PDZRN4: variants seen among roughly 807,000 people sequenced by gnomAD.
The protein encoded by PDZRN4 is PDZ domain containing ring finger 4.
A neutral mutation model predicts 99.0 loss-of-function variants in PDZRN4; 70 were observed. The observed-to-expected ratio is 0.71, with a 90% CI of 0.58 to 0.86. PDZRN4 has a LOEUF of 0.86. Ranked by LOEUF, PDZRN4 falls within the 40% of genes least tolerant of loss-of-function variation. The pLI is 0.00. For synonymous variants in PDZRN4, 551 were observed against 501.6 expected, an observed-to-expected ratio of 1.10 and a Z score of -1.32; for missense variants, 1,474 against 1,331.2, an observed-to-expected ratio of 1.11 and a Z score of -1.67.
chr12:41,188,372 G>A lies in PDZRN4; in HGVS notation c.-84G>A. 2 of 1,302,294 alleles carry A rather than the reference G, an allele frequency of 1.5e-6. No individual in the cohort carries two copies. The highest frequency in any genetic ancestry group is 2.0e-6 in the Non-Finnish European group (2 of 981,170). The allele number at this position is 1,302,294 out of a possible 1,614,324, so 80.7% of individuals were successfully genotyped here. ...CCACTGCCGCCGCCGCGAGACGGCT[G>A]CCCCGGGGGTGGCCCGGGGAAGGCA... is the stretch of plus-strand genomic sequence containing the variant. On this transcript the variant is annotated 5_prime_UTR_variant, in exon 1 of 10. Coordinates refer to ENST00000402685, the MANE Select transcript of PDZRN4 (RefSeq NM_001164595.2).
chr12:41,197,918 G>GTTTTTTTTTTTGTTTT (rs1491129322), intron 3 of PDZRN4, among the ~76,000 whole-genome samples: 1 of 114,576 alleles, frequency 8.7e-6, no homozygotes. Context: ...TGTTTTTTCT[G>GTTTTTTTTTTTGTTTT]GGTTTTTTTT....
At position 41,256,165 on chromosome 12, in the gene PDZRN4, G is replaced by C. The variant is rs191124674; in HGVS notation, c.843+61977G>C. On this transcript the variant is annotated intron_variant, in intron 3 of 9. Transcript: ENST00000402685. ...TCAAAATAAAACTATGTATTTCCTA[G>C]TCATATAAAAGTGATTTTATTGGTA... is the stretch of plus-strand genomic sequence containing the variant. Among the ~76,000 whole-genome samples, 5 of 152,208 alleles carry C rather than the reference G, an allele frequency of 3.3e-5. No homozygotes were observed. The East Asian group carries it at 9.7e-4, about 29-fold the overall frequency.
rs146409787 is a variant in PDZRN4 at position 41,191,744 on chromosome 12, T to TTTTATTTA, written c.735+236_735+243dup. Among the ~76,000 whole-genome samples the TTTTATTTA allele has an allele frequency of 1.1e-3, 139 of 121,374 alleles. 1 individual carries two copies. Among genetic ancestry groups the TTTTATTTA allele is most frequent in the South Asian group, 2.4e-3 (8 of 3,296 alleles). The allele number at this position is 121,374 out of a possible 152,430, so 79.6% of individuals were successfully genotyped here. On this transcript the variant is annotated intron_variant, in intron 2 of 9. Transcript: ENST00000402685. Reference sequence around the variant, plus strand: ...GCAAATATTCCAGTACATACCCAGATTTTATTTATTTATTTATTTATTTAT... The same window carrying TTTTATTTA: ...GCAAATATTCCAGTACATACCCAGATTTTATTTATTTATTTATTTATTTATTTATTTAT...
intron 3 of PDZRN4, among the ~76,000 whole-genome samples, chr12:41,411,191 G>A (rs771849759): frequency 5.3e-5 from 8 of 151,790 alleles, no homozygotes; most frequent in South Asian, 2.1e-4. Context: ...ATGAGCCACC[G>A]TGCCCAGCCT....
chr12:41,508,428 A>G (rs1938245127), intron 4 of PDZRN4, among the ~76,000 whole-genome samples: 1 of 152,106 alleles, frequency 6.6e-6, no homozygotes, highest in African/African-American at 2.4e-5. Flanking sequence ...TGCTTTCCCC[A>G]ATTAATAGGG....
intron 3 of PDZRN4, among the ~76,000 whole-genome samples, chr12:41,299,423 A>G (rs11610155): frequency 0.017 from 2,583 of 152,184 alleles, 38 homozygotes; most frequent in Non-Finnish European, 0.024. Context: ...TTGGACGCAC[A>G]ATTTGTGTGT....
At chr12:41,273,949 C>T (rs576036020) in intron 3 of PDZRN4, among the ~76,000 whole-genome samples, 1 of 152,198 alleles carries the variant, frequency 6.6e-6, no homozygotes, top group East Asian at 1.9e-4. Flanking sequence ...TCCTTGAATG[C>T]AAGCTTGGTC....
chr12:41,487,675 C>T (rs1464180626), intron 3 of PDZRN4, among the ~76,000 whole-genome samples: 1 of 152,178 alleles, frequency 6.6e-6, no homozygotes, highest in East Asian at 1.9e-4. Flanking sequence ...CTCTTGACAT[C>T]TAGTTGAAGT....
intron 3 of PDZRN4, among the ~76,000 whole-genome samples, chr12:41,334,862 G>A (rs1951763002): frequency 6.6e-6 from 1 of 151,962 alleles, no homozygotes. Flanking sequence ...ATTGTAATAA[G>A]ATTTTTTTTT....
chr12:41,328,362 T>TAATAAAA (rs1000691537), intron 3 of PDZRN4, among the ~76,000 whole-genome samples: 15 of 151,864 alleles, frequency 9.9e-5, no homozygotes, highest in African/African-American at 2.7e-4. Flanking sequence ...ACTCTACAAA[T>TAATAAAA]AATAAAAAAT....
intron 3 of PDZRN4, among the ~76,000 whole-genome samples, chr12:41,467,641 T>C (rs1465238834): frequency 1.3e-5 from 2 of 152,180 alleles, no homozygotes; most frequent in South Asian, 2.1e-4. Context: ...GTTTAACACA[T>C]CCACTCTTAC....
chr12:41,518,370 T>A (rs1176626768), intron 5 of PDZRN4, among the ~76,000 whole-genome samples: 1 of 152,092 alleles, frequency 6.6e-6, no homozygotes, highest in Non-Finnish European at 1.5e-5. Flanking sequence ...TTTGTGTGTG[T>A]TTTCCTCTTC....
At chr12:41,271,673 C>T (rs1055387468) in intron 3 of PDZRN4, among the ~76,000 whole-genome samples, 2 of 152,046 alleles carry the variant, frequency 1.3e-5, no homozygotes, top group South Asian at 2.1e-4. Context: ...AGCCTGGACC[C>T]GGATTCTGCA....
intron 3 of PDZRN4, among the ~76,000 whole-genome samples, chr12:41,270,092 AC>A (rs1951303924): frequency 6.6e-6 from 1 of 152,172 alleles, no homozygotes; most frequent in South Asian, 2.1e-4. Flanking sequence ...CTTTAATTTC[AC>A]GTTTGCCCAT....
At chr12:41,520,342 A>G (rs567593920) in intron 5 of PDZRN4, among the ~76,000 whole-genome samples, 1 of 152,094 alleles carries the variant, frequency 6.6e-6, no homozygotes. Flanking sequence ...CTTCTTCAAT[A>G]TGGCTGACCT....
At chr12:41,469,234 G>T (rs538218411) in intron 3 of PDZRN4, among the ~76,000 whole-genome samples, 1 of 152,186 alleles carries the variant, frequency 6.6e-6, no homozygotes, top group South Asian at 2.1e-4. Context: ...GAAGATTTAT[G>T]TGTGAAAAAA....
At chr12:41,447,364 G>A (rs1205444089) in intron 3 of PDZRN4, among the ~76,000 whole-genome samples, 1 of 152,088 alleles carries the variant, frequency 6.6e-6, no homozygotes, top group Non-Finnish European at 1.5e-5. Flanking sequence ...ATGGCACATT[G>A]TAGTGTTACT....
At chr12:41,551,435 A>G (rs1565612798) in intron 5 of PDZRN4, among the ~76,000 whole-genome samples, 1 of 152,092 alleles carries the variant, frequency 6.6e-6, no homozygotes, top group African/African-American at 2.4e-5. Context: ...ATCAACTTTC[A>G]TAATCTTTAC....
At chr12:41,317,358 G>A (rs1050748076) in intron 3 of PDZRN4, among the ~76,000 whole-genome samples, 6 of 151,864 alleles carry the variant, frequency 4.0e-5, no homozygotes, top group African/African-American at 1.5e-4. Context: ...GTCTTCCTAA[G>A]GGAAGGTCAG....
Sources: gnomAD v4.1 joint callset for allele counts (sites outside exome capture counted in the v4.1 genomes callset) on GRCh38, gnomAD v4.1.1 for gene constraint, MANE v1.5 for transcripts, NCBI Gene and HGNC (gene_info 2026-07-23, HGNC 2026-07-21) for gene names.